Variants in LARGE1 observed in about 807,000 individuals in gnomAD.
The protein encoded by LARGE1 is xylosyl- and glucuronyltransferase LARGE1.
Under a neutral mutation model 87.6 loss-of-function variants are expected in LARGE1, and 43 were observed. The ratio of observed to expected loss-of-function variants is 0.49; its 90% CI spans 0.38 to 0.63. The LOEUF (loss-of-function observed/expected upper bound fraction) is 0.63, where lower values mean the gene tolerates loss of function less well. LARGE1 is among the 30% of genes least tolerant of loss of function. The pLI, the probability that LARGE1 is intolerant of heterozygous loss-of-function variation, is 0.00. For missense variants in LARGE1, 802 were observed against 1,000.2 expected, an observed-to-expected ratio of 0.80 and a Z score of 2.67; for synonymous variants, 434 against 394.6, an observed-to-expected ratio of 1.10 and a Z score of -1.18.
chr22:33,484,775 T>C (rs2069493070), intron 6 of LARGE1, among the ~76,000 whole-genome samples: 1 of 152,212 alleles, frequency 6.6e-6, no homozygotes, highest in South Asian at 2.1e-4. Flanking sequence ...TCAGCTTCTC[T>C]TCCTCTTCAC....
At chr22:33,561,659 G>T (rs1483133394) in intron 6 of LARGE1, among the ~76,000 whole-genome samples, 2 of 152,158 alleles carry the variant, frequency 1.3e-5, no homozygotes. Context: ...CGAATGGGTG[G>T]CTCCTGACCC....
intron 11 of LARGE1, among the ~76,000 whole-genome samples, chr22:33,233,694 C>A (rs1485115922): frequency 6.6e-6 from 1 of 151,986 alleles, no homozygotes; most frequent in Non-Finnish European, 1.5e-5. Context: ...AGTTTGAGAC[C>A]CTGGAGATAA....
chr22:33,279,497 C>G (rs561348685), intron 13 of LARGE1, among the ~76,000 whole-genome samples: 31 of 152,300 alleles, frequency 2.0e-4, no homozygotes, highest in African/African-American at 4.8e-4. Flanking sequence ...TGGACTCCCC[C>G]CAAACCCTCA....
At chr22:33,241,016 C>G (rs1218577656) in intron 11 of LARGE1, among the ~76,000 whole-genome samples, 1 of 152,200 alleles carries the variant, frequency 6.6e-6, no homozygotes, top group Non-Finnish European at 1.5e-5. Flanking sequence ...CTCAGTCTAT[C>G]TACTTAGTAT....
chr22:33,813,574 G>T (rs2086564279), intron 1 of LARGE1, among the ~76,000 whole-genome samples: 1 of 151,984 alleles, frequency 6.6e-6, no homozygotes, highest in Non-Finnish European at 1.5e-5. Flanking sequence ...TTCCCATTTG[G>T]ACACAACCAT....
At chr22:33,131,041 A>G in the LARGE1 span, among the ~76,000 whole-genome samples, 1 of 68,610 alleles carries the variant, frequency 1.5e-5, no homozygotes, top group African/African-American at 4.8e-5. Context: ...CTCAAAAAAA[A>G]AAAAAAAAAA....
At position 33,600,100 on chromosome 22, in the gene LARGE1, G is replaced by C. The variant is rs2079075668; in HGVS notation, c.615+4335C>G. Among the ~76,000 whole-genome samples, 4 of 152,236 alleles carry C rather than the reference G, an allele frequency of 2.6e-5. No individual in the cohort carries two copies. The South Asian group carries it at 8.3e-4, about 32-fold the overall frequency. Reference sequence around the variant, plus strand: ...AGGCATTAGGAATGTGGTGACCCTGGGCTCTACAGTGATAAAGAAACGTGA... The same window carrying C: ...AGGCATTAGGAATGTGGTGACCCTGCGCTCTACAGTGATAAAGAAACGTGA... On this transcript the variant is annotated intron_variant, in intron 5 of 14. Coordinates refer to ENST00000397394, the MANE Select transcript of LARGE1 (RefSeq NM_133642.5).
rs148081322 is a variant in LARGE1, at chr22:33,375,514, C to T, written c.1131+6405G>A. On this transcript the variant is annotated intron_variant, in intron 9 of 14. Coordinates refer to ENST00000397394, the MANE Select transcript of LARGE1 (RefSeq NM_133642.5). ...AATAAAAAAAAAATTAACTCTCTCT[C>T]TATAGCAGGATACAATGGCAACAAT... 4.0e-3 allele frequency among the ~76,000 whole-genome samples: 605 copies of T among 152,124 alleles called. 3 individuals carry two copies. The highest frequency in any genetic ancestry group is 0.014 in the African/African-American group (571 of 41,502).
chr22:33,316,698 C>T (rs1248089884), intron 10 of LARGE1, among the ~76,000 whole-genome samples: 1 of 152,056 alleles, frequency 6.6e-6, no homozygotes, highest in Non-Finnish European at 1.5e-5. Flanking sequence ...GATGGCACCA[C>T]TGCACTCCAG....
rs561773011 is a variant in LARGE1, at chr22:33,727,121, G to A, written c.106+34250C>T. On this transcript the variant is annotated intron_variant, in intron 2 of 14. Transcript: ENST00000397394. The stretch of plus-strand genomic sequence containing the variant: ...TGACAGGGGGAAGCCAGGAGGAGCT[G>A]GAAGACAGTTATGGATGGGCTCCAA... 5.3e-5 allele frequency among the ~76,000 whole-genome samples: 8 copies of A among 152,298 alleles called. No individual in the cohort carries two copies. The East Asian group carries it at 1.5e-3, about 29-fold the overall frequency.
intron 9 of LARGE1, among the ~76,000 whole-genome samples, chr22:33,360,383 A>G (rs1408753083): frequency 6.7e-6 from 1 of 149,574 alleles, no homozygotes; most frequent in African/African-American, 2.5e-5. Context: ...ATGGTTCTGC[A>G]GGCTGTACAG....
the LARGE1 span, among the ~76,000 whole-genome samples, chr22:33,112,848 A>T: frequency 1.3e-5 from 2 of 152,224 alleles, no homozygotes; most frequent in African/African-American, 4.8e-5. Context: ...AAAAGCCCAC[A>T]GGAGAAGTAC....
intron 1 of LARGE1, among the ~76,000 whole-genome samples, chr22:33,918,323 TC>T (rs1305996534): frequency 6.6e-6 from 1 of 152,140 alleles, no homozygotes; most frequent in Non-Finnish European, 1.5e-5. Context: ...AATCCGATCT[TC>T]CCGTTAAAAA....
chr22:33,239,391 GAAAC>G (rs1315046863), intron 11 of LARGE1, among the ~76,000 whole-genome samples: 1 of 152,098 alleles, frequency 6.6e-6, no homozygotes, highest in Admixed American at 6.5e-5. Flanking sequence ...GTTGTTGTTT[GAAAC>G]CAAACGGGTG....
At chr22:33,350,879 G>A (rs879726277) in intron 9 of LARGE1, among the ~76,000 whole-genome samples, 3 of 152,130 alleles carry the variant, frequency 2.0e-5, no homozygotes, top group Non-Finnish European at 4.4e-5. Context: ...TAAGAACACA[G>A]GGATGGGTTC....
chr22:33,082,115 A>G, the LARGE1 span, among the ~76,000 whole-genome samples: 1 of 152,172 alleles, frequency 6.6e-6, no homozygotes, highest in East Asian at 1.9e-4. Context: ...ACCAGCCAAG[A>G]GTATCCATTT....
chr22:33,714,365 C>G (rs1028344556), intron 2 of LARGE1, among the ~76,000 whole-genome samples: 1 of 152,190 alleles, frequency 6.6e-6, no homozygotes, highest in Admixed American at 6.5e-5. Flanking sequence ...GCTTCTCTGG[C>G]TGTGTACCAT....
At chr22:33,734,389 A>C (rs2083579538) in intron 2 of LARGE1, among the ~76,000 whole-genome samples, 1 of 152,178 alleles carries the variant, frequency 6.6e-6, no homozygotes, top group Non-Finnish European at 1.5e-5. Flanking sequence ...GATGTGGTCA[A>C]AGGAACAGAG....
the LARGE1 span, among the ~76,000 whole-genome samples, chr22:33,113,906 T>C: frequency 6.6e-6 from 1 of 151,404 alleles, no homozygotes; most frequent in Admixed American, 6.6e-5. Context: ...AGTCTCGCTC[T>C]ATCGCCCAGG....
Sources: gnomAD v4.1 joint callset for allele counts (sites outside exome capture counted in the v4.1 genomes callset) on GRCh38, gnomAD v4.1.1 for gene constraint, MANE v1.5 for transcripts, NCBI Gene and HGNC (gene_info 2026-07-23, HGNC 2026-07-21) for gene names.